Variants in CDK5RAP1 observed in about 807,000 individuals in gnomAD.
The protein encoded by CDK5RAP1 is CDK5RAP1 mitochondrial tRNA methylthiotransferase.
In CDK5RAP1, 62 loss-of-function variants were observed where a neutral mutation model predicts 64.5. That is an observed-to-expected ratio of 0.96 (90% CI 0.78 to 1.19). The LOEUF (loss-of-function observed/expected upper bound fraction) is 1.19. Ranked by LOEUF, CDK5RAP1 falls within the 50% of genes most tolerant of loss-of-function variation. CDK5RAP1 has a pLI of 0.00. For synonymous variants in CDK5RAP1, 250 were observed against 261.9 expected (o/e 0.95, Z 0.44); for missense variants, 657 against 735.0 (o/e 0.89, Z 1.23).
At chr20:33,387,289 A>T in intron 6 of CDK5RAP1, 34 bp downstream of exon 6, 6 of 1,436,198 alleles carry the variant, frequency 4.2e-6, no homozygotes, top group Non-Finnish European at 5.8e-6. Context: ...AAGGAGGAAG[A>T]GGCTTATTCC....
chr20:33,399,064 C>T (rs1989157850), intron 1 of CDK5RAP1, among the ~76,000 whole-genome samples: 1 of 151,630 alleles, frequency 6.6e-6, no homozygotes, highest in Non-Finnish European at 1.5e-5. Flanking sequence ...TACCTATTTG[C>T]AGGTACATAC....
intron 12 of CDK5RAP1, among the ~76,000 whole-genome samples, chr20:33,364,555 A>G (rs1173622581): frequency 6.6e-6 from 1 of 151,988 alleles, no homozygotes; most frequent in Non-Finnish European, 1.5e-5. Flanking sequence ...AAGATTAGTC[A>G]AGTATTGACA....
chr20:33,374,090 T>A, intron 9 of CDK5RAP1, 25 bp downstream of exon 9: 1 of 1,500,038 alleles, frequency 6.7e-7, no homozygotes, highest in Non-Finnish European at 9.3e-7. Context: ...AAGTGAGGGA[T>A]GCCCCCTCTC....
At chr20:33,398,782 C>T (rs1307580554) in intron 1 of CDK5RAP1, among the ~76,000 whole-genome samples, 2 of 151,902 alleles carry the variant, frequency 1.3e-5, no homozygotes, top group Admixed American at 1.3e-4. Flanking sequence ...AAAAAATAGC[C>T]GAGCACAGTG....
intron 13 of CDK5RAP1, 71 bp downstream of exon 13, chr20:33,360,280 T>C: frequency 4.0e-6 from 6 of 1,494,086 alleles, no homozygotes; most frequent in Non-Finnish European, 5.5e-6. Context: ...AGGAAAAAAC[T>C]TTATTACCAC....
chr20:33,376,066 C>T (rs572403727), intron 8 of CDK5RAP1, among the ~76,000 whole-genome samples: 137 of 152,208 alleles, frequency 9.0e-4, no homozygotes, highest in Non-Finnish European at 1.7e-3. Flanking sequence ...CAGTGGCTCA[C>T]GCCTGTAATC....
chr20:33,374,252 C>G, intron 8 of CDK5RAP1, 40 bp from the exon 9 acceptor site: 1 of 1,339,730 alleles, frequency 7.5e-7, no homozygotes, highest in Non-Finnish European at 1.1e-6. Context: ...CACAATCTCA[C>G]CAAAGAACCT....
At chr20:33,393,940 GC>G in intron 4 of CDK5RAP1, 91 bp downstream of exon 4, 1 of 893,922 alleles carries the variant, frequency 1.1e-6, no homozygotes. Flanking sequence ...GGGGCCACTG[GC>G]TCATCTCCAT....
At chr20:33,385,372 G>A (rs183037877) in intron 7 of CDK5RAP1, among the ~76,000 whole-genome samples, 212 of 152,202 alleles carry the variant, frequency 1.4e-3, no homozygotes, top group Middle Eastern at 6.8e-3. Context: ...ACTGCATTAC[G>A]ACGACAGTTA....
In CDK5RAP1 at chr20:33,387,498, T is replaced by C. The variant is rs1236796841; in HGVS notation, c.580A>G (p.Asn194Asp). 2 of 1,614,080 alleles carry C rather than the reference T, an allele frequency of 1.2e-6. No individual in the cohort carries two copies. Among genetic ancestry groups the C allele is most frequent in the Non-Finnish European group, 1.7e-6 (2 of 1,179,978 alleles). Residue 194 changes from asparagine (N) to aspartate (D), a missense_variant, in exon 6 of 14, where the codon AAC (asparagine) becomes GAC (aspartate). Coordinates refer to ENST00000346416, the MANE Select transcript of CDK5RAP1 (RefSeq NM_016408.4). ...AAAATATCTACCATTTTCTCTCTGT[T>C]GAGAATCTCCTCCTTCAACCTCTCA... ...MAERLKEEIL[N>D]REKMVDILAG...
In CDK5RAP1 at chr20:33,360,452, C is replaced by T; in HGVS notation, c.1582G>A (p.Asp528Asn). ...RSATDLCGRN[D>N]GNLKVIFPDA... ...GGGAAGATCACCTTAAGGTTTCCAT[C>T]ATTCCTGCCACACAGGTCAGTGGCA... The change falls in exon 13 of 14, where the codon GAT becomes AAT. Residue 528 changes from aspartate (D) to asparagine (N), a missense_variant. By Grantham distance (23) the Asp-to-Asn change is conservative. Coordinates refer to ENST00000346416, the MANE Select transcript of CDK5RAP1 (RefSeq NM_016408.4). 1 of 1,613,930 alleles carries T rather than the reference C, an allele frequency of 6.2e-7. No homozygotes were observed. Among genetic ancestry groups the T allele is most frequent in the African/African-American group, 1.3e-5 (1 of 75,010 alleles).
intron 12 of CDK5RAP1, among the ~76,000 whole-genome samples, chr20:33,363,710 C>A (rs1032050553): frequency 6.6e-6 from 1 of 151,928 alleles, no homozygotes; most frequent in Non-Finnish European, 1.5e-5. Context: ...CCAACCTGGG[C>A]AACAGAGCAA....
chr20:33,381,036 T>C (rs569273311), intron 7 of CDK5RAP1, among the ~76,000 whole-genome samples: 1 of 152,294 alleles, frequency 6.6e-6, no homozygotes, highest in East Asian at 1.9e-4. Context: ...GTTTCACAAA[T>C]AATGGTTGCT....
intron 5 of CDK5RAP1, among the ~76,000 whole-genome samples, chr20:33,389,142 C>T: frequency 6.7e-6 from 1 of 150,012 alleles, no homozygotes; most frequent in South Asian, 2.1e-4. Context: ...AACTGAGGAG[C>T]GCCTCTTCCC....
At chr20:33,373,809 C>T (rs1032640239) in intron 9 of CDK5RAP1, 19 of 331,726 alleles carry the variant, frequency 5.7e-5, no homozygotes, top group South Asian at 2.0e-4. Flanking sequence ...ATGGAGTTAG[C>T]GAAGCAAGCT....
intron 1 of CDK5RAP1, among the ~76,000 whole-genome samples, chr20:33,397,661 A>C (rs1989030475): frequency 6.6e-6 from 1 of 152,226 alleles, no homozygotes; most frequent in African/African-American, 2.4e-5. Context: ...AACTAATGTG[A>C]GGGCATTGTA....
chr20:33,379,655 T>C lies in CDK5RAP1; in HGVS notation c.913A>G (p.Asn305Asp). The C allele has an allele frequency of 6.2e-7, 1 of 1,614,052 alleles. No homozygotes were observed. The highest frequency in any genetic ancestry group is 8.5e-7 in the Non-Finnish European group (1 of 1,179,920). Residue 305 changes from asparagine (N) to aspartate (D), a missense_variant, in exon 8 of 14, where the codon AAT becomes GAT. Asn to Asp is a conservative substitution (Grantham distance 23). Transcript: ENST00000346416. The part of the protein sequence containing the change: ...KEVTLLGQNV[N>D]SFRDNSEVQF... ...ACCTCCGAATTGTCCCGAAAACTAT[T>C]AACATTCTGACCAAGAAGTGTCACT... is the stretch of plus-strand genomic sequence containing the variant.
rs201195181 is a variant in CDK5RAP1 at position 33,381,218 on chromosome 20, A to T, written c.877-1527T>A. On this transcript the variant is annotated intron_variant, in intron 7 of 13. Coordinates refer to ENST00000346416, the MANE Select transcript of CDK5RAP1 (RefSeq NM_016408.4). ...TCTCTCTCAACACACATATGACTACATTTTTTTTAAGCCTTCTGAGAAAAA... is the reference window on the plus strand; with the variant it reads ...TCTCTCTCAACACACATATGACTACTTTTTTTTTAAGCCTTCTGAGAAAAA... Among the ~76,000 whole-genome samples the T allele has an allele frequency of 2.0e-5, 3 of 151,628 alleles. No individual in the cohort carries two copies. In the South Asian group the frequency reaches 6.2e-4, roughly 32 times the overall value.
chr20:33,389,628 G>A (rs1006732543), intron 5 of CDK5RAP1, among the ~76,000 whole-genome samples: 1 of 151,826 alleles, frequency 6.6e-6, no homozygotes, highest in African/African-American at 2.4e-5. Context: ...TCCAGGAGGT[G>A]GGGGGCGCCT....
Sources: allele counts gnomAD v4.1 joint callset (sites outside exome capture counted in the v4.1 genomes callset), GRCh38; gene constraint gnomAD v4.1.1; transcripts MANE v1.5; gene names NCBI Gene and HGNC (gene_info 2026-07-23, HGNC 2026-07-21).